The following LIPI variants were observed in gnomAD, a reference collection of about 807,000 sequenced individuals.
The protein encoded by LIPI is lipase I.
Under a neutral mutation model 50.6 loss-of-function variants are expected in LIPI, and 59 were observed. The observed-to-expected ratio is 1.16, with a 90% CI of 0.94 to 1.45. LIPI has a LOEUF of 1.45. Ranked by LOEUF, LIPI falls within the 40% of genes most tolerant of loss-of-function variation. The pLI, the probability that LIPI is intolerant of heterozygous loss-of-function variation, is 0.00. For synonymous variants in LIPI, 203 were observed against 178.2 expected (o/e 1.14, Z -1.11); for missense variants, 586 against 536.3 (o/e 1.09, Z -0.92).
In LIPI at chr21:14,108,897, C is replaced by T; in HGVS notation, c.*96G>A. ...TTCCAAGAAATAGAAATACTTGAAT[C>T]TCAAATTGAACAGTGCATTATAAAA... On this transcript the variant is annotated 3_prime_UTR_variant, in exon 10 of 10. Coordinates refer to ENST00000681601, the MANE Select transcript of LIPI (RefSeq NM_001302998.2). The T allele has an allele frequency of 6.9e-7, 1 of 1,449,802 alleles. No individual in the cohort carries two copies. Among genetic ancestry groups the T allele is most frequent in the Non-Finnish European group, 9.5e-7 (1 of 1,053,166 alleles). The allele number at this position is 1,449,802 out of a possible 1,614,324, so 89.8% of individuals were successfully genotyped here. A position where few individuals can be genotyped will look rare whatever the true frequency, so the allele number is the denominator to read the frequency against.
intron 9 of LIPI, among the ~76,000 whole-genome samples, chr21:14,122,187 T>C (rs1464909032): frequency 2.0e-5 from 3 of 152,202 alleles, no homozygotes; most frequent in Admixed American, 6.5e-5. Flanking sequence ...CATTATATGA[T>C]AGAAGCTTGG....
At chr21:14,160,347 T>G (rs2018420037) in intron 7 of LIPI, among the ~76,000 whole-genome samples, 1 of 151,144 alleles carries the variant, frequency 6.6e-6, no homozygotes, top group African/African-American at 2.4e-5. Flanking sequence ...TACAAACATA[T>G]GTCAATAAAC....
intron 4 of LIPI, among the ~76,000 whole-genome samples, chr21:14,167,829 C>G (rs2018747953): frequency 6.6e-6 from 1 of 152,198 alleles, no homozygotes; most frequent in Non-Finnish European, 1.5e-5. Context: ...CAAAGGAATG[C>G]AGTTCCTCAC....
chr21:14,154,474 A>G (rs2018208185), intron 7 of LIPI, among the ~76,000 whole-genome samples: 1 of 152,044 alleles, frequency 6.6e-6, no homozygotes, highest in South Asian at 2.1e-4. Flanking sequence ...AGAAGGAAGG[A>G]GTTGAAGGAG....
intron 1 of LIPI, among the ~76,000 whole-genome samples, chr21:14,192,812 AG>A (rs2019721923): frequency 1.3e-5 from 2 of 152,216 alleles, no homozygotes. Context: ...CACAAGCATA[AG>A]CTGGGAATTC....
chr21:14,178,854 C>T (rs1376292842), intron 4 of LIPI, among the ~76,000 whole-genome samples: 1 of 151,966 alleles, frequency 6.6e-6, no homozygotes, highest in Admixed American at 6.6e-5. Flanking sequence ...TGTGAATTTC[C>T]TACAAAGAAG....
intron 8 of LIPI, 28 bp from the exon 9 acceptor site, chr21:14,144,827 A>G (rs375995797): frequency 4.0e-5 from 58 of 1,447,438 alleles, no homozygotes; most frequent in East Asian, 9.1e-5. Context: ...TACACGCAGC[A>G]TATTAATAAT....
At chr21:14,208,776 G>A (rs960831292) in intron 1 of LIPI, among the ~76,000 whole-genome samples, 1 of 152,190 alleles carries the variant, frequency 6.6e-6, no homozygotes, top group Non-Finnish European at 1.5e-5. Context: ...TTCCTGGCTG[G>A]CTCAGTGGCT....
At chr21:14,175,666 C>T (rs2019068619) in intron 4 of LIPI, among the ~76,000 whole-genome samples, 1 of 152,036 alleles carries the variant, frequency 6.6e-6, no homozygotes, top group Admixed American at 6.6e-5. Context: ...ATTTATTTTC[C>T]TTTCACATGT....
chr21:14,158,191 G>C (rs1438256404), intron 7 of LIPI, among the ~76,000 whole-genome samples: 4 of 151,732 alleles, frequency 2.6e-5, no homozygotes, highest in Non-Finnish European at 5.9e-5. Flanking sequence ...TGAGCCTAAA[G>C]AGATCAATGC....
chr21:14,186,649 T>C (rs989568474), intron 2 of LIPI, among the ~76,000 whole-genome samples: 3 of 152,304 alleles, frequency 2.0e-5, no homozygotes, highest in Middle Eastern at 3.4e-3. Context: ...AATTCATATG[T>C]TGGAATTCTA....
At chr21:14,158,636 T>C (rs4588272) in intron 7 of LIPI, among the ~76,000 whole-genome samples, 2 of 148,244 alleles carry the variant, frequency 1.3e-5, no homozygotes, top group African/African-American at 2.4e-5. Context: ...GAAATATATA[T>C]ATAGAGAGAG....
chr21:14,184,298 G>T (rs2019377874), intron 3 of LIPI, among the ~76,000 whole-genome samples: 2 of 152,086 alleles, frequency 1.3e-5, no homozygotes, highest in Non-Finnish European at 2.9e-5. Flanking sequence ...GACACAGGAA[G>T]GGGAACATCA....
chr21:14,128,481 T>C (rs186060713), intron 9 of LIPI, among the ~76,000 whole-genome samples: 6 of 152,186 alleles, frequency 3.9e-5, no homozygotes, highest in Admixed American at 3.3e-4. Context: ...CTTAAACTAA[T>C]AGAGAGGATA....
intron 1 of LIPI, among the ~76,000 whole-genome samples, chr21:14,210,097 T>A (rs978387826): frequency 6.6e-6 from 1 of 152,056 alleles, no homozygotes; most frequent in Admixed American, 6.6e-5. Flanking sequence ...AAGGAAATAA[T>A]CTGCTCTCAT....
chr21:14,188,490 C>T (rs2019531874), intron 2 of LIPI, among the ~76,000 whole-genome samples: 1 of 146,208 alleles, frequency 6.8e-6, no homozygotes, highest in South Asian at 2.2e-4. Flanking sequence ...ATCACTTGAC[C>T]CTGGGAGGTG....
chr21:14,137,235 T>A (rs946083991), intron 9 of LIPI, among the ~76,000 whole-genome samples: 1 of 151,854 alleles, frequency 6.6e-6, no homozygotes, highest in Non-Finnish European at 1.5e-5. Context: ...ACAAAGGAAC[T>A]AAATAAGGCA....
intron 4 of LIPI, among the ~76,000 whole-genome samples, chr21:14,170,775 A>C (rs1311898285): frequency 6.6e-6 from 1 of 150,892 alleles, no homozygotes; most frequent in Non-Finnish European, 1.5e-5. Flanking sequence ...ATGGGCAAAA[A>C]CTGGAAGCAT....
At chr21:14,120,144 C>T (rs142009685) in intron 9 of LIPI, among the ~76,000 whole-genome samples, 143 of 152,222 alleles carry the variant, frequency 9.4e-4, no homozygotes, top group African/African-American at 3.4e-3. Context: ...TCTTTTCAAG[C>T]CAGAAAGACT....
Sources: allele counts gnomAD v4.1 joint callset (sites outside exome capture counted in the v4.1 genomes callset), GRCh38; gene constraint gnomAD v4.1.1; transcripts MANE v1.5; gene names NCBI Gene and HGNC (gene_info 2026-07-23, HGNC 2026-07-21).